The following ATG2B variants were observed in gnomAD, a reference collection of about 807,000 sequenced individuals.
ATG2B encodes the protein autophagy-related protein 2 homolog B.
In ATG2B, 121 loss-of-function variants were observed where a neutral mutation model predicts 241.3. The ratio of observed to expected loss-of-function variants is 0.50; its 90% CI spans 0.43 to 0.58. ATG2B has a LOEUF of 0.58. Ranked by LOEUF, ATG2B falls within the 20% of genes least tolerant of loss-of-function variation. The pLI is 0.00. For synonymous variants in ATG2B, 858 were observed against 876.6 expected (o/e 0.98, Z 0.37); for missense variants, 2,306 against 2,491.6 (o/e 0.93, Z 1.59).
Position 96,344,730 on chromosome 14 carries a change from TAA to T in ATG2B, c.503_504del (p.Phe168TyrfsTer8). The T allele has an allele frequency of 6.3e-7, 1 of 1,596,220 alleles. No individual in the cohort carries two copies. Among genetic ancestry groups the T allele is most frequent in the Non-Finnish European group, 8.5e-7 (1 of 1,169,788 alleles). On this transcript the variant is annotated frameshift_variant, in exon 4 of 42. Coordinates refer to ENST00000359933, the MANE Select transcript of ATG2B (RefSeq NM_018036.7). LOFTEE classifies it high-confidence loss of function. ...TGTTCAATTCTCAAAACAGTATCTA[TAA>T]AAGTGACTTTTACTCTTCTTAGTAC... The part of the protein sequence containing the change: ...ETVLRRVKVT[F>X]IDTVLRIEHV...
In ATG2B at chr14:96,329,476, A is replaced by G. The variant is rs765389669; in HGVS notation, c.1881+8T>C. On this transcript the variant is annotated splice_region_variant and intron_variant, in intron 12 of 41. Transcript: ENST00000359933. ...AATAATCTTAAAGAAAAAGTATTCA[A>G]TATTTACCTCTGTATAGTGAGGAGG... 5.1e-6 allele frequency: 8 copies of G among 1,574,712 alleles called. No individual in the cohort carries two copies. The highest frequency in any genetic ancestry group is 8.6e-7 in the Non-Finnish European group (1 of 1,162,284).
intron 6 of ATG2B, among the ~76,000 whole-genome samples, chr14:96,339,416 GTATA>G (rs1334663114): frequency 3.3e-5 from 5 of 151,070 alleles, no homozygotes; most frequent in Admixed American, 6.6e-5. Context: ...TGTGGTGCGT[GTATA>G]TATATATGGT....
At chr14:96,315,025 A>C in intron 23 of ATG2B, 129 bp downstream of exon 23, 1 of 684,760 alleles carries the variant, frequency 1.5e-6, no homozygotes, top group East Asian at 2.8e-5. Flanking sequence ...AAAGGTGGTG[A>C]CACCGTAGTA....
At position 96,285,886 on chromosome 14, in the gene ATG2B, G is replaced by C. The variant is rs1019231132; in HGVS notation, c.6106C>G (p.Pro2036Ala). 2 of 1,614,000 alleles carry C rather than the reference G, an allele frequency of 1.2e-6. No individual in the cohort carries two copies. Among genetic ancestry groups the C allele is most frequent in the African/African-American group, 2.7e-5 (2 of 74,914 alleles). Reference sequence around the variant, plus strand: ...ATCAGAGGTTTCACCACTGCCGGAGGAATCTGGCGCAGAACCTCGCCCACG... The same window carrying C: ...ATCAGAGGTTTCACCACTGCCGGAGCAATCTGGCGCAGAACCTCGCCCACG... ...GAVGEVLRQI[P>A]PAVVKPLIVA... The change falls in exon 42 of 42, where the codon CCT becomes GCT. Residue 2036 changes from proline (P) to alanine (A), a missense_variant. Transcript: ENST00000359933. This position sits in a 1 kb window ranked among gnomAD's most constrained non-coding sequence, Gnocchi z 4.2.
chr14:96,362,074 A>C (rs1888650038), intron 1 of ATG2B, among the ~76,000 whole-genome samples: 1 of 152,122 alleles, frequency 6.6e-6, no homozygotes, highest in African/African-American at 2.4e-5. Context: ...CCTGTATAGC[A>C]ATGAGTGAAT....
chr14:96,309,709 A>C, intron 28 of ATG2B, 115 bp from the exon 29 acceptor site: 3 of 1,001,748 alleles, frequency 3.0e-6, no homozygotes, highest in Non-Finnish European at 4.2e-6. Context: ...AGAAATAGAA[A>C]CCTACTCATT....
rs745677156 is a variant in ATG2B at position 96,333,664 on chromosome 14, G to T, written c.1207+24C>A. On this transcript the variant is annotated intron_variant, in intron 8 of 41. Transcript: ENST00000359933. The stretch of plus-strand genomic sequence containing the variant: ...TCTATGATTATAATATATGATTCTG[G>T]TGTCAACAGTTTGAGTTGCTTACCA... The T allele has an allele frequency of 2.8e-5, 45 of 1,602,360 alleles. 1 individual carries two copies. The highest frequency in any genetic ancestry group is 3.3e-4 in the Middle Eastern group (2 of 6,034).
chr14:96,288,185 A>C (rs1566711903), intron 41 of ATG2B, among the ~76,000 whole-genome samples: 1 of 147,526 alleles, frequency 6.8e-6, no homozygotes, highest in Non-Finnish European at 1.5e-5. Flanking sequence ...TCCTGGCTCC[A>C]CTCCCTTTTC....
At chr14:96,345,163 G>A in intron 3 of ATG2B, 70 bp downstream of exon 3, 1 of 1,249,038 alleles carries the variant, frequency 8.0e-7, no homozygotes, top group East Asian at 2.5e-5. Context: ...CTTATACAAA[G>A]CTTATTACAT....
At position 96,331,509 on chromosome 14, in the gene ATG2B, G is replaced by C; in HGVS notation, c.1597C>G (p.Leu533Val). Residue 533 changes from leucine (L) to valine (V), a missense_variant, in exon 11 of 42, where the codon CTT becomes GTT. Around this residue, in one of 2 missense-constraint regions of ATG2B, gnomAD observed 1,927 missense variants for 2,011.2 expected, o/e 0.96. Transcript: ENST00000359933. ...PLSPPETSQN[L>V]NPLTPMAVAF... ...ACTGCCATAGGTGTCAATGGATTAA[G>C]GTTCTGTGACGTTTCAGGTGGAGAT... The C allele has an allele frequency of 6.2e-7, 1 of 1,614,100 alleles. No individual in the cohort carries two copies. Among genetic ancestry groups the C allele is most frequent in the South Asian group, 1.1e-5 (1 of 91,074 alleles).
At chr14:96,340,414 T>C (rs1449251580) in intron 6 of ATG2B, among the ~76,000 whole-genome samples, 3 of 151,802 alleles carry the variant, frequency 2.0e-5, no homozygotes, top group Non-Finnish European at 4.4e-5. Flanking sequence ...TGAATGGAAC[T>C]AGAAGCCATT....
intron 6 of ATG2B, among the ~76,000 whole-genome samples, chr14:96,338,870 T>C (rs1247820604): frequency 6.6e-6 from 1 of 152,112 alleles, no homozygotes; most frequent in Non-Finnish European, 1.5e-5. Flanking sequence ...GAGAAAATAT[T>C]TGTAAACTAT....
intron 18 of ATG2B, among the ~76,000 whole-genome samples, chr14:96,320,349 C>T (rs941487596): frequency 1.6e-4 from 25 of 152,002 alleles, no homozygotes; most frequent in Admixed American, 5.2e-4. Context: ...TTAATTAATG[C>T]AGACTGGGGT....
intron 16 of ATG2B, among the ~76,000 whole-genome samples, chr14:96,323,360 T>C (rs1404349429): frequency 3.3e-5 from 5 of 152,150 alleles, no homozygotes; most frequent in Admixed American, 3.3e-4. Context: ...CTACAGAACA[T>C]CTCTAGCACA....
Position 96,352,521 on chromosome 14 carries a change from A to G in ATG2B, c.163-5180T>C, listed in dbSNP as rs962449517. On this transcript the variant is annotated intron_variant, in intron 1 of 41. Transcript: ENST00000359933. ...GACCTTCCAGTGGAACAAGATGTGGAGGTAGAAGGTGGTGACATTGATGAT... is the reference window on the plus strand; with the variant it reads ...GACCTTCCAGTGGAACAAGATGTGGGGGTAGAAGGTGGTGACATTGATGAT... 2.0e-5 allele frequency among the ~76,000 whole-genome samples: 3 copies of G among 152,178 alleles called. No individual in the cohort carries two copies. The East Asian group carries it at 5.8e-4, about 29-fold the overall frequency.
chr14:96,309,028 C>T (rs1324746422), intron 29 of ATG2B, among the ~76,000 whole-genome samples: 1 of 152,176 alleles, frequency 6.6e-6, no homozygotes, highest in Non-Finnish European at 1.5e-5. Context: ...ACCTTCTCCT[C>T]CCTCTTTACA....
At chr14:96,314,573 C>A (rs947700351) in intron 23 of ATG2B, among the ~76,000 whole-genome samples, 1 of 145,992 alleles carries the variant, frequency 6.8e-6, no homozygotes, top group South Asian at 2.1e-4. Context: ...AGAGTCCCTT[C>A]CCTTCCTTTA....
In ATG2B at chr14:96,332,648, T is replaced by G. The variant is rs761058148; in HGVS notation, c.1215A>C (p.Glu405Asp). The G allele has an allele frequency of 6.4e-7, 1 of 1,561,994 alleles. No homozygotes were observed. Among genetic ancestry groups the G allele is most frequent in the Non-Finnish European group, 8.6e-7 (1 of 1,162,098 alleles). The part of the protein sequence containing the change: ...TARTPSSREE[E>D]VFFSMADMDM... ...CCATATCAGCCATGGAGAAGAATAC[T>G]TCTTCTTCTAGAGAGAATTAAACTA... Residue 405 changes from glutamate (E) to aspartate (D), a missense_variant, in exon 9 of 42, where the codon GAA becomes GAC. This residue lies in a region of ATG2B where 1,927 missense variants were observed against 2,011.2 expected (regional missense o/e 0.96). Transcript: ENST00000359933.
At chr14:96,312,062 C>T (rs1385289865) in intron 26 of ATG2B, 27 bp downstream of exon 26, 2 of 1,536,456 alleles carry the variant, frequency 1.3e-6, no homozygotes, top group Non-Finnish European at 1.8e-6. Context: ...CAGAATTTAT[C>T]TACTCCATTT....
Sources: gnomAD v4.1 joint callset for allele counts (sites outside exome capture counted in the v4.1 genomes callset) on GRCh38, gnomAD v4.1.1 for gene constraint, gnomAD v4.1.1 regional missense constraint, Gnocchi (gnomAD v3.1) non-coding constraint, MANE v1.5 for transcripts, NCBI Gene and HGNC (gene_info 2026-07-23, HGNC 2026-07-21) for gene names.